The following PALM2AKAP2 variants were observed in gnomAD, a reference collection of about 807,000 sequenced individuals.
PALM2AKAP2 encodes PALM2-AKAP2 fusion protein.
PALM2AKAP2 carries 37 observed loss-of-function variants against 71.5 expected under a neutral mutation model. That is an observed-to-expected ratio of 0.52 (90% CI 0.40 to 0.68). The LOEUF is 0.68. PALM2AKAP2 is among the 30% of genes least tolerant of loss of function. The pLI is 0.00. For missense variants in PALM2AKAP2, 1,224 were observed against 1,191.8 expected (o/e 1.03, Z -0.40); for synonymous variants, 468 against 478.8 (o/e 0.98, Z 0.29).
At chr9:110,164,190 G>A (rs559802246) in intron 3 of PALM2AKAP2, among the ~76,000 whole-genome samples, 1 of 152,094 alleles carries the variant, frequency 6.6e-6, no homozygotes, top group Admixed American at 6.5e-5. Flanking sequence ...TCCCCTTTGA[G>A]TCCATTTAAA....
chr9:109,694,560 G>A (rs2118559044), intron 1 of PALM2AKAP2, among the ~76,000 whole-genome samples: 1 of 152,098 alleles, frequency 6.6e-6, no homozygotes, highest in Non-Finnish European at 1.5e-5. Flanking sequence ...TTAAGAGATA[G>A]AAAAGTTTAA....
intron 1 of PALM2AKAP2, among the ~76,000 whole-genome samples, chr9:109,812,671 C>T (rs1478137328): frequency 1.3e-5 from 2 of 152,208 alleles, no homozygotes; most frequent in African/African-American, 4.8e-5. Flanking sequence ...TAAATCAGGA[C>T]AGTGCAAATG....
intron 1 of PALM2AKAP2, among the ~76,000 whole-genome samples, chr9:109,663,284 G>A (rs1405462934): frequency 2.0e-5 from 3 of 152,148 alleles, no homozygotes; most frequent in African/African-American, 4.8e-5. Context: ...ATGTTAGGGT[G>A]TTGATTTTAG....
intron 1 of PALM2AKAP2, among the ~76,000 whole-genome samples, chr9:110,115,771 G>A (rs929596932): frequency 6.6e-6 from 1 of 152,186 alleles, no homozygotes; most frequent in South Asian, 2.1e-4. Context: ...GTTCTGTGCA[G>A]GGATCTCTAA....
At chr9:109,641,481 C>T (rs1181530514) in intron 1 of PALM2AKAP2, among the ~76,000 whole-genome samples, 1 of 152,224 alleles carries the variant, frequency 6.6e-6, no homozygotes, top group East Asian at 1.9e-4. Context: ...GTGAATACGG[C>T]ATGGATGGGT....
chr9:109,943,049 C>T, intron 6 of PALM2AKAP2: 2 of 1,614,230 alleles, frequency 1.2e-6, no homozygotes, highest in Non-Finnish European at 1.7e-6. Context: ...GACCATTCTT[C>T]CGGGAACCCA....
At chr9:109,730,334 C>T (rs767750073) in intron 1 of PALM2AKAP2, among the ~76,000 whole-genome samples, 51 of 152,178 alleles carry the variant, frequency 3.4e-4, no homozygotes, top group Non-Finnish European at 3.1e-4. Context: ...TGGTCAGAAG[C>T]TGGACTTTCG....
At chr9:109,870,377 C>G (rs1040162970) in intron 2 of PALM2AKAP2, among the ~76,000 whole-genome samples, 1 of 152,240 alleles carries the variant, frequency 6.6e-6, no homozygotes, top group Middle Eastern at 3.4e-3. Flanking sequence ...GTGGCCTCGC[C>G]CCTGGATGGA....
At chr9:109,958,635 A>C (rs1015076814) in intron 6 of PALM2AKAP2, among the ~76,000 whole-genome samples, 2 of 152,060 alleles carry the variant, frequency 1.3e-5, no homozygotes, top group Non-Finnish European at 2.9e-5. Flanking sequence ...AGAAAGAAGG[A>C]AGGAGGGACA....
chr9:109,918,176 C>T (rs116350225), intron 3 of PALM2AKAP2, among the ~76,000 whole-genome samples: 91 of 152,286 alleles, frequency 6.0e-4, no homozygotes, highest in African/African-American at 2.2e-3. Flanking sequence ...TTCTCCATCC[C>T]CAGTGCTCAG....
intron 3 of PALM2AKAP2, among the ~76,000 whole-genome samples, chr9:110,163,414 A>C (rs973142776): frequency 6.6e-6 from 1 of 152,206 alleles, no homozygotes; most frequent in African/African-American, 2.4e-5. Context: ...TCATTTCATG[A>C]TATTTAATAT....
At position 109,673,319 on chromosome 9, in the gene PALM2AKAP2, T is replaced by C. The variant is rs532233689; in HGVS notation, c.5+32453T>C. Among the ~76,000 whole-genome samples the C allele has an allele frequency of 4.6e-5, 7 of 152,268 alleles. No individual in the cohort carries two copies. In the South Asian group the frequency reaches 1.2e-3, roughly 27 times the overall value. On this transcript the variant is annotated intron_variant, in intron 1 of 6. Coordinates refer to the PALM2AKAP2 transcript ENST00000374531. ...TGGCATGTTGTATCTTTGTTCCCGT[T>C]AGTTTCAGAGATCTTGACTACTGCC...
chr9:110,039,680 C>T lies in PALM2AKAP2; in HGVS notation c.582+23641C>T, dbSNP rs756369497. 1.2e-3 allele frequency among the ~76,000 whole-genome samples: 162 copies of T among 133,228 alleles called. 1 individual carries two copies. The highest frequency in any genetic ancestry group is 4.6e-4 in the Non-Finnish European group (29 of 63,396). The allele number at this position is 133,228 out of a possible 152,430, so 87.4% of individuals were successfully genotyped here. On this transcript the variant is annotated intron_variant, in intron 7 of 9. Transcript: ENST00000302798. ...CATCCCAAGCATGTAAAGAAAATTC[C>T]GAAGTCAAACATAGTAGCAGCAGCA... is the stretch of plus-strand genomic sequence containing the variant.
intron 1 of PALM2AKAP2, among the ~76,000 whole-genome samples, chr9:110,081,537 T>C (rs1321399617): frequency 6.6e-6 from 1 of 152,154 alleles, no homozygotes; most frequent in Non-Finnish European, 1.5e-5. Context: ...TGTGGTGTTT[T>C]GTTTACTGCT....
intron 6 of PALM2AKAP2, among the ~76,000 whole-genome samples, chr9:109,938,884 C>A (rs1831292004): frequency 6.6e-6 from 1 of 152,044 alleles, no homozygotes; most frequent in African/African-American, 2.4e-5. Context: ...CAAAAATTAG[C>A]CAGGCTTGGT....
chr9:109,701,925 G>A (rs1032204357), intron 1 of PALM2AKAP2, among the ~76,000 whole-genome samples: 1 of 152,108 alleles, frequency 6.6e-6, no homozygotes, highest in Admixed American at 6.5e-5. Context: ...CAAAAAGTGG[G>A]CAAAGGATAT....
At chr9:109,850,955 A>G (rs1014208426) in intron 1 of PALM2AKAP2, among the ~76,000 whole-genome samples, 1 of 152,150 alleles carries the variant, frequency 6.6e-6, no homozygotes, top group South Asian at 2.1e-4. Flanking sequence ...AGGCGGGCGG[A>G]TCACGAGGTC....
At chr9:109,659,517 G>A (rs934122602) in intron 1 of PALM2AKAP2, among the ~76,000 whole-genome samples, 2 of 150,702 alleles carry the variant, frequency 1.3e-5, no homozygotes, top group Non-Finnish European at 2.9e-5. Flanking sequence ...AACACAATAC[G>A]TGGTCCTTTG....
intron 1 of PALM2AKAP2, among the ~76,000 whole-genome samples, chr9:109,804,205 A>G (rs1827514703): frequency 1.3e-5 from 2 of 152,088 alleles, no homozygotes; most frequent in Non-Finnish European, 2.9e-5. Context: ...GAGAAAACAG[A>G]TTACCATCTC....
Sources: allele counts gnomAD v4.1 joint callset (sites outside exome capture counted in the v4.1 genomes callset), GRCh38; gene constraint gnomAD v4.1.1; transcripts MANE v1.5; gene names NCBI Gene and HGNC (gene_info 2026-07-23, HGNC 2026-07-21).